CASP4: variants seen among roughly 807,000 people sequenced by gnomAD.
CASP4 encodes the protein caspase 4.
CASP4 carries 29 observed loss-of-function variants against 41.3 expected under a neutral mutation model. The ratio of observed to expected loss-of-function variants is 0.70; its 90% confidence interval spans 0.52 to 0.96. The LOEUF is 0.96. CASP4 is among the 40% of genes least tolerant of loss of function. The pLI is 0.00. For missense variants in CASP4, 447 were observed against 460.6 expected, an observed-to-expected ratio of 0.97 and a Z score of 0.27; for synonymous variants, 185 against 158.4, an observed-to-expected ratio of 1.17 and a Z score of -1.26.
At chr11:104,947,487 G>A (rs1283812129) in intron 6 of CASP4, 1 of 189,766 alleles carries the variant, frequency 5.3e-6, no homozygotes, top group Non-Finnish European at 1.1e-5. Context: ...CATTCTCTCA[G>A]CTTTTATAGG....
chr11:104,962,249 G>A (rs1028139217), intron 1 of CASP4, among the ~76,000 whole-genome samples: 4 of 152,028 alleles, frequency 2.6e-5, no homozygotes, highest in African/African-American at 9.7e-5. Context: ...CGTTCTTCTG[G>A]AAGTTACAGA....
intron 8 of CASP4, chr11:104,944,344 GTCTCTC>G (rs71037288): frequency 1.2e-4 from 17 of 142,038 alleles, no homozygotes; most frequent in Non-Finnish European, 1.8e-4. Flanking sequence ...GCTACTTAGT[GTCTCTC>G]TCTCTCTCTC....
intron 2 of CASP4, among the ~76,000 whole-genome samples, chr11:104,953,096 G>T (rs529198221): frequency 6.6e-6 from 1 of 152,256 alleles, no homozygotes; most frequent in Non-Finnish European, 1.5e-5. Flanking sequence ...AAATTAGATA[G>T]AATTTCTATC....
chr11:104,950,824 C>CACACACACT, intron 4 of CASP4, 101 bp downstream of exon 4: 1 of 393,250 alleles, frequency 2.5e-6, no homozygotes, highest in Non-Finnish European at 4.2e-6. Context: ...ACACACACAC[C>CACACACACT]CAAAGGTTGT....
At chr11:104,949,462 GTTGCC>G in intron 5 of CASP4, 76 bp downstream of exon 5, 2 of 1,412,646 alleles carry the variant, frequency 1.4e-6, no homozygotes, top group Middle Eastern at 1.8e-4. Flanking sequence ...GTTTAAGAAT[GTTGCC>G]CCTAAATATA....
intron 3 of CASP4, chr11:104,951,300 A>T: frequency 2.2e-6 from 1 of 451,436 alleles, no homozygotes; most frequent in Non-Finnish European, 3.9e-6. Context: ...TCTTGAGGAA[A>T]CTAGATAATT....
chr11:104,966,291 A>G (rs1860973724), intron 1 of CASP4, among the ~76,000 whole-genome samples: 1 of 151,312 alleles, frequency 6.6e-6, no homozygotes. Context: ...TTTCAACAGA[A>G]GGAAGGCATG....
In CASP4 at chr11:104,954,848, A is replaced by C; in HGVS notation, c.161T>G (p.Val54Gly). The C allele has an allele frequency of 6.2e-7, 1 of 1,613,864 alleles. No individual in the cohort carries two copies. Among genetic ancestry groups the C allele is most frequent in the Non-Finnish European group, 8.5e-7 (1 of 1,179,840 alleles). Residue 54 changes from valine (V) to glycine (G), a missense_variant, in exon 2 of 9, where the codon GTT (valine) becomes GGT (glycine). Coordinates refer to ENST00000444739, the MANE Select transcript of CASP4 (RefSeq NM_001225.4). ...TTGCATAGAGTCTGCCATGACCCGA[A>C]CTTTGTCTTCAGTTTTAGCATCGTA... ...KYYDAKTEDK[V>G]RVMADSMQEK...
intron 1 of CASP4, 87 bp from the exon 2 acceptor site, chr11:104,955,088 T>C: frequency 7.6e-7 from 1 of 1,319,102 alleles, no homozygotes; most frequent in Non-Finnish European, 1.0e-6. Flanking sequence ...TAATGTGAAA[T>C]ACTTCTGAAA....
intron 5 of CASP4, 164 bp from the exon 6 acceptor site, chr11:104,948,840 C>CA (rs1197972614): frequency 3.6e-6 from 1 of 279,088 alleles, no homozygotes; most frequent in African/African-American, 3.1e-5. Flanking sequence ...ACACACACCA[C>CA]TTTTCTTTCT....
At chr11:104,947,410 T>A (rs771613165) in intron 6 of CASP4, 17 of 333,394 alleles carry the variant, frequency 5.1e-5, no homozygotes, top group Non-Finnish European at 7.1e-5. Context: ...TGGTAAGCAT[T>A]GCAAGAGATT....
intron 1 of CASP4, among the ~76,000 whole-genome samples, chr11:104,959,462 T>C (rs867742864): frequency 1.3e-5 from 2 of 152,202 alleles, no homozygotes; most frequent in East Asian, 1.9e-4. Context: ...AATAAATAAG[T>C]AAATTAAAAG....
Position 104,951,857 on chromosome 11 carries a change from C to G in CASP4, c.372+39G>C, listed in dbSNP as rs1224697630. Reference sequence around the variant, plus strand: ...GTGCACTGAAGGAAAGCAATGATATCTCTTCTTTTTTTTCTATTTCATATA... The same window carrying G: ...GTGCACTGAAGGAAAGCAATGATATGTCTTCTTTTTTTTCTATTTCATATA... On this transcript the variant is annotated intron_variant, in intron 3 of 8. Coordinates refer to ENST00000444739, the MANE Select transcript of CASP4 (RefSeq NM_001225.4). The G allele has an allele frequency of 2.2e-6, 3 of 1,336,030 alleles. No homozygotes were observed. In the South Asian group the frequency reaches 3.5e-5, roughly 16 times the overall value. The allele number at this position is 1,336,030 out of a possible 1,614,324, so 82.8% of individuals were successfully genotyped here.
intron 1 of CASP4, among the ~76,000 whole-genome samples, chr11:104,961,478 C>G (rs1350946527): frequency 6.6e-6 from 1 of 151,814 alleles, no homozygotes; most frequent in South Asian, 2.1e-4. Flanking sequence ...GTCTGTAGCT[C>G]TATGATGGGG....
chr11:104,967,996 G>A lies in CASP4; in HGVS notation c.7+523C>T, dbSNP rs139756131. Among the ~76,000 whole-genome samples the A allele has an allele frequency of 2.2e-3, 333 of 152,186 alleles. 4 individuals carry two copies. The East Asian group carries it at 0.036, about 17-fold the overall frequency. On this transcript the variant is annotated intron_variant, in intron 1 of 8. Transcript: ENST00000444739. ...ATAACAACGGCAAAACAAAACAACT[G>A]TGATATTAACCCATGAAATATTATA...
At chr11:104,951,180 A>G (rs1346067308) in intron 3 of CASP4, 82 bp from the exon 4 acceptor site, 17 of 1,225,702 alleles carry the variant, frequency 1.4e-5, no homozygotes, top group Non-Finnish European at 1.6e-5. Context: ...TTGCTTTTTC[A>G]AGTCTTCATG....
intron 1 of CASP4, among the ~76,000 whole-genome samples, chr11:104,963,366 A>G (rs1335251120): frequency 1.3e-5 from 2 of 152,176 alleles, no homozygotes; most frequent in Non-Finnish European, 2.9e-5. Context: ...CCATTTTGGG[A>G]AAAACAAACA....
Position 104,944,746 on chromosome 11 carries a change from A to T in CASP4, c.*5+2T>A. On this transcript the variant is annotated splice_donor_variant, in intron 8 of 8. Transcript: ENST00000444739. LOFTEE classifies it low-confidence loss of function (3UTR_SPLICE). ...TACCACCAACAACTCTCAATACTTAACCATTTTCAATTGCCAGGAAAGAGG... is the reference window on the plus strand; with the variant it reads ...TACCACCAACAACTCTCAATACTTATCCATTTTCAATTGCCAGGAAAGAGG... 5 of 1,571,110 alleles carry T rather than the reference A, an allele frequency of 3.2e-6. No individual in the cohort carries two copies. Among genetic ancestry groups the T allele is most frequent in the Non-Finnish European group, 4.4e-6 (5 of 1,141,038 alleles).
chr11:104,954,982 C>A lies in CASP4; in HGVS notation c.27G>T (p.Lys9Asn), dbSNP rs764793096. 1.9e-6 allele frequency: 3 copies of A among 1,612,868 alleles called. No homozygotes were observed. The highest frequency in any genetic ancestry group is 2.5e-6 in the Non-Finnish European group (3 of 1,179,554). ...CCAGGGATTCCAACACCTTAAGTGG[C>A]TTTTTTCTGTGGTTGCCTTCTGTTA... MAEGNHRK[K>N]PLKVLESLGK... is the part of the protein sequence containing the mutation. Residue 9 changes from lysine (K) to asparagine (N), a missense_variant, in exon 2 of 9, where the codon AAG becomes AAT. Transcript: ENST00000444739.
Sources: allele counts gnomAD v4.1 joint callset (sites outside exome capture counted in the v4.1 genomes callset), GRCh38; gene constraint gnomAD v4.1.1; transcripts MANE v1.5; gene names NCBI Gene and HGNC (gene_info 2026-07-23, HGNC 2026-07-21).